TENT4B: variants seen among roughly 807,000 people sequenced by gnomAD.
The protein encoded by TENT4B is PAP associated domain containing 5.
A neutral mutation model predicts 75.0 loss-of-function variants in TENT4B; 10 were observed. The ratio of observed to expected loss-of-function variants is 0.13; its 90% CI spans 0.08 to 0.23. The LOEUF is 0.23. TENT4B is among the 10% of genes least tolerant of loss of function. TENT4B has a pLI of 1.00. For synonymous variants in TENT4B, 350 were observed against 357.7 expected, an observed-to-expected ratio of 0.98 and a Z score of 0.24; for missense variants, 579 against 893.8, an observed-to-expected ratio of 0.65 and a Z score of 4.49.
chr16:50,157,601 A>T (rs1238290015), intron 1 of TENT4B, among the ~76,000 whole-genome samples: 1 of 152,010 alleles, frequency 6.6e-6, no homozygotes, highest in Admixed American at 6.6e-5. Context: ...TTTAAATTTT[A>T]ATTTAATTTT....
chr16:50,203,445 A>G (rs1405396908), intron 1 of TENT4B, among the ~76,000 whole-genome samples: 1 of 152,184 alleles, frequency 6.6e-6, no homozygotes, highest in African/African-American at 2.4e-5. Context: ...CGTTGTGTAA[A>G]CTTTAAAATT....
At chr16:50,222,243 C>T in intron 5 of TENT4B, 63 bp from the exon 6 acceptor site, 9 of 1,455,290 alleles carry the variant, frequency 6.2e-6, no homozygotes, top group Non-Finnish European at 8.4e-6. Flanking sequence ...ATTTATGCCC[C>T]TCTTAATGCT....
At chr16:50,166,060 T>C (rs1400196054) in intron 1 of TENT4B, among the ~76,000 whole-genome samples, 4 of 151,782 alleles carry the variant, frequency 2.6e-5, no homozygotes, top group Non-Finnish European at 5.9e-5. Context: ...ATTTCCAATT[T>C]CTCCACATAC....
Position 50,216,313 on chromosome 16 carries a change from A to T in TENT4B, c.930+118A>T, listed in dbSNP as rs2031549857. ...AAGTGAGTGATTCTTTCATTTTGTT[A>T]ATGTCACCGTGCTTGCACATAAAAA... On this transcript the variant is annotated intron_variant, in intron 4 of 11. Transcript: ENST00000561678. 4 of 1,317,378 alleles carry T rather than the reference A, an allele frequency of 3.0e-6. No individual in the cohort carries two copies. In the East Asian group the frequency reaches 1.0e-4, roughly 34 times the overall value. The allele number at this position is 1,317,378 out of a possible 1,614,324, so 81.6% of individuals were successfully genotyped here. A position where few individuals can be genotyped will look rare whatever the true frequency, so the allele number is the denominator to read the frequency against.
At chr16:50,182,599 A>G (rs1446706102) in intron 1 of TENT4B, among the ~76,000 whole-genome samples, 1 of 152,150 alleles carries the variant, frequency 6.6e-6, no homozygotes, top group Non-Finnish European at 1.5e-5. Context: ...TATAGTTGAC[A>G]TATATAGCTT....
chr16:50,169,206 T>G (rs2038158695), intron 1 of TENT4B, among the ~76,000 whole-genome samples: 1 of 152,200 alleles, frequency 6.6e-6, no homozygotes, highest in Non-Finnish European at 1.5e-5. Flanking sequence ...TAGATTTCTC[T>G]GCTGTCTCTT....
intron 1 of TENT4B, among the ~76,000 whole-genome samples, chr16:50,210,137 T>C (rs2031202569): frequency 6.6e-6 from 1 of 152,220 alleles, no homozygotes. Context: ...GTAGAGTCCC[T>C]GTGCTTACCT....
intron 2 of TENT4B, 112 bp from the exon 3 acceptor site, chr16:50,214,109 A>G (rs2031427404): frequency 1.3e-6 from 1 of 776,486 alleles, no homozygotes; most frequent in South Asian, 1.6e-5. Flanking sequence ...TGTCATACCA[A>G]AAAGTACCAG....
intron 1 of TENT4B, among the ~76,000 whole-genome samples, chr16:50,170,814 G>A (rs1597230143): frequency 6.6e-6 from 1 of 152,080 alleles, no homozygotes; most frequent in East Asian, 1.9e-4. Context: ...CTACAGGTGC[G>A]GGCCATCATG....
chr16:50,183,437 T>A (rs2038462715), intron 1 of TENT4B, among the ~76,000 whole-genome samples: 1 of 152,034 alleles, frequency 6.6e-6, no homozygotes, highest in South Asian at 2.1e-4. Flanking sequence ...TGTATGACTG[T>A]GTTGGTTGTG....
chr16:50,193,764 G>T (rs891185379), intron 1 of TENT4B, among the ~76,000 whole-genome samples: 2 of 152,186 alleles, frequency 1.3e-5, no homozygotes, highest in Non-Finnish European at 2.9e-5. Context: ...ATTCCTGAAG[G>T]ATGAGGAGGA....
At chr16:50,169,484 ATTAG>A (rs1567480141) in intron 1 of TENT4B, among the ~76,000 whole-genome samples, 1 of 133,152 alleles carries the variant, frequency 7.5e-6, no homozygotes, top group African/African-American at 2.9e-5. Context: ...TTTTTGTGGT[ATTAG>A]TTATTAATGA....
chr16:50,222,657 A>T (rs1253760415), intron 6 of TENT4B, among the ~76,000 whole-genome samples: 1 of 152,194 alleles, frequency 6.6e-6, no homozygotes, highest in Non-Finnish European at 1.5e-5. Context: ...CATACATTCT[A>T]GTATTTTTGA....
intron 1 of TENT4B, among the ~76,000 whole-genome samples, chr16:50,169,384 TGG>T (rs2038162640): frequency 7.5e-6 from 1 of 132,784 alleles, no homozygotes; most frequent in Non-Finnish European, 1.6e-5. Context: ...TTAGATTTTG[TGG>T]GTTTTTTTTT....
At chr16:50,153,029 C>T, upstream of TENT4B, 1 of 1,514,464 alleles carries the variant, frequency 6.6e-7, no homozygotes, top group East Asian at 2.6e-5. Context: ...TCCCGGACGC[C>T]CAGGTACGTG....
chr16:50,163,001 T>A (rs2038029365), intron 1 of TENT4B, among the ~76,000 whole-genome samples: 1 of 152,206 alleles, frequency 6.6e-6, no homozygotes, highest in Non-Finnish European at 1.5e-5. Flanking sequence ...AATAGATACT[T>A]GATCTTCAAA....
chr16:50,215,090 C>G (rs542287434), intron 3 of TENT4B, among the ~76,000 whole-genome samples: 3 of 152,316 alleles, frequency 2.0e-5, no homozygotes, highest in Non-Finnish European at 4.4e-5. Flanking sequence ...TTTCAGTCTT[C>G]TCAAATGAGA....
At chr16:50,175,074 C>T (rs879838223) in intron 1 of TENT4B, among the ~76,000 whole-genome samples, 4 of 152,116 alleles carry the variant, frequency 2.6e-5, no homozygotes, top group Non-Finnish European at 5.9e-5. Context: ...TGGTATCTAT[C>T]ATTCTACTCT....
chr16:50,218,956 T>C (rs1234698115), intron 5 of TENT4B, among the ~76,000 whole-genome samples: 2 of 152,182 alleles, frequency 1.3e-5, no homozygotes, highest in Admixed American at 1.3e-4. Context: ...CTAAAGTTTC[T>C]ATTTCTTCTT....
Sources: allele counts gnomAD v4.1 joint callset (sites outside exome capture counted in the v4.1 genomes callset), GRCh38; gene constraint gnomAD v4.1.1; transcripts MANE v1.5; gene names NCBI Gene and HGNC (gene_info 2026-07-23, HGNC 2026-07-21).